CPED1: variants seen among roughly 807,000 people sequenced by gnomAD.
The protein encoded by CPED1 is cadherin-like and PC-esterase domain-containing protein 1.
Under a neutral mutation model 128.2 loss-of-function variants are expected in CPED1, and 114 were observed. The ratio of observed to expected loss-of-function variants is 0.89; its 90% CI spans 0.76 to 1.04. The LOEUF is 1.04. Ranked by LOEUF, CPED1 falls within the 50% of genes least tolerant of loss-of-function variation. CPED1 has a pLI of 0.00. For missense variants in CPED1, 1,211 were observed against 1,207.1 expected (o/e 1.00, Z -0.05); for synonymous variants, 462 against 426.7 (o/e 1.08, Z -1.02).
At chr7:121,069,943 T>C (rs1247993473) in intron 5 of CPED1, among the ~76,000 whole-genome samples, 1 of 152,100 alleles carries the variant, frequency 6.6e-6, no homozygotes, top group Admixed American at 6.6e-5. Context: ...CCAGTAGTTT[T>C]ATCTTAGCTC....
In CPED1 at chr7:121,182,173, G is replaced by A. The variant is rs139811273; in HGVS notation, c.2055+40032G>A. Among the ~76,000 whole-genome samples, 124 of 147,170 alleles carry A rather than the reference G, an allele frequency of 8.4e-4. No homozygotes were observed. The Middle Eastern group carries it at 0.014, about 17-fold the overall frequency. ...TGGTAACATTAGAATATGTCAGCCC[G>A]TGCTAAATACTTCAATTCGATGAGA... On this transcript the variant is annotated intron_variant, in intron 16 of 22. Coordinates refer to ENST00000310396, the MANE Select transcript of CPED1 (RefSeq NM_024913.5).
chr7:121,218,217 A>T (rs1452907893), intron 16 of CPED1, among the ~76,000 whole-genome samples: 4 of 150,004 alleles, frequency 2.7e-5, no homozygotes, highest in Non-Finnish European at 4.4e-5. Context: ...CTGGTCTGAA[A>T]CTCCTGACCT....
At position 121,240,195 on chromosome 7, in the gene CPED1, A is replaced by T. The variant is rs1405454279; in HGVS notation, c.2173+3364A>T. ...TGTGCATGCGATTTCATGTCCACAA[A>T]CTAATTGCACCCACATTTGAATCTC... On this transcript the variant is annotated intron_variant, in intron 17 of 22. Transcript: ENST00000310396. Among the ~76,000 whole-genome samples the T allele has an allele frequency of 2.0e-5, 3 of 152,196 alleles. No individual in the cohort carries two copies. In the East Asian group the frequency reaches 5.8e-4, roughly 29 times the overall value.
At chr7:121,078,853 C>G (rs1408680285) in intron 5 of CPED1, among the ~76,000 whole-genome samples, 3 of 152,216 alleles carry the variant, frequency 2.0e-5, no homozygotes, top group African/African-American at 7.2e-5. Context: ...GTACCACAGA[C>G]TGGGTGGCTT....
intron 22 of CPED1, among the ~76,000 whole-genome samples, chr7:121,290,658 T>C (rs1792680664): frequency 6.6e-6 from 1 of 152,076 alleles, no homozygotes; most frequent in Admixed American, 6.6e-5. Flanking sequence ...GGGGTTGTTT[T>C]GTTCTTGTAA....
chr7:121,143,522 T>C (rs746676443), intron 16 of CPED1, among the ~76,000 whole-genome samples: 1 of 152,024 alleles, frequency 6.6e-6, no homozygotes, highest in Non-Finnish European at 1.5e-5. Context: ...CAATTTGCTT[T>C]ATTTGGATTG....
intron 4 of CPED1, chr7:121,051,647 A>T: frequency 3.1e-6 from 1 of 325,536 alleles, no homozygotes; most frequent in Non-Finnish European, 5.8e-6. Context: ...CCACTCCTTG[A>T]TCCTGGCTTC....
chr7:121,072,722 TCA>T (rs1794025784), intron 5 of CPED1, among the ~76,000 whole-genome samples: 3 of 152,276 alleles, frequency 2.0e-5, no homozygotes, highest in African/African-American at 7.2e-5. Context: ...ACACGGCAGT[TCA>T]CAGACACATT....
chr7:121,111,717 G>A (rs533770822), intron 7 of CPED1, among the ~76,000 whole-genome samples: 16 of 151,542 alleles, frequency 1.1e-4, no homozygotes, highest in Non-Finnish European at 2.1e-4. Flanking sequence ...AAATAAAAAA[G>A]AAAAAACACA....
chr7:121,158,486 C>T (rs1418934981), intron 16 of CPED1, among the ~76,000 whole-genome samples: 2 of 152,142 alleles, frequency 1.3e-5, no homozygotes, highest in African/African-American at 2.4e-5. Context: ...AACCTTGCTT[C>T]CTCTTGGCTC....
chr7:121,142,334 A>G (rs1795924857), intron 16 of CPED1, among the ~76,000 whole-genome samples, 193 bp downstream of exon 16: 1 of 151,964 alleles, frequency 6.6e-6, no homozygotes, highest in Admixed American at 6.6e-5. Context: ...TTTTAGTGTG[A>G]TGGCTACTGT....
intron 18 of CPED1, among the ~76,000 whole-genome samples, chr7:121,259,775 A>G (rs562192330): frequency 1.3e-5 from 2 of 152,168 alleles, no homozygotes; most frequent in South Asian, 2.1e-4. Context: ...AATTTAAGCC[A>G]GTAATAAAAT....
chr7:121,121,231 A>G (rs989178928), intron 7 of CPED1, among the ~76,000 whole-genome samples: 3 of 152,190 alleles, frequency 2.0e-5, no homozygotes, highest in African/African-American at 7.2e-5. Context: ...GTTTTTCTAT[A>G]TACTTTTAAG....
At chr7:121,133,411 T>C (rs1013596670) in intron 12 of CPED1, among the ~76,000 whole-genome samples, 2 of 152,122 alleles carry the variant, frequency 1.3e-5, no homozygotes, top group African/African-American at 4.8e-5. Context: ...CTGCATGGTA[T>C]ACTTATTTCT....
intron 16 of CPED1, among the ~76,000 whole-genome samples, chr7:121,194,659 G>T (rs1156606633): frequency 2.6e-5 from 4 of 152,116 alleles, no homozygotes; most frequent in Non-Finnish European, 5.9e-5. Context: ...TCAAATGTGT[G>T]TATTGGGACT....
chr7:121,251,367 T>A, intron 18 of CPED1, among the ~76,000 whole-genome samples: 1 of 152,158 alleles, frequency 6.6e-6, no homozygotes, highest in East Asian at 1.9e-4. Flanking sequence ...TCATACTGAA[T>A]GGACAAAAAC....
intron 16 of CPED1, among the ~76,000 whole-genome samples, chr7:121,202,006 A>G (rs1379854688): frequency 6.6e-6 from 1 of 152,154 alleles, no homozygotes; most frequent in East Asian, 1.9e-4. Context: ...CCATAATTGT[A>G]GTGAGAGACC....
chr7:121,283,027 G>A (rs1267724963), intron 22 of CPED1, among the ~76,000 whole-genome samples: 2 of 152,052 alleles, frequency 1.3e-5, no homozygotes, highest in Non-Finnish European at 2.9e-5. Flanking sequence ...AGGATTCCAT[G>A]AATTCTTTTT....
chr7:121,216,777 G>A (rs377528989), intron 16 of CPED1, among the ~76,000 whole-genome samples: 1 of 152,136 alleles, frequency 6.6e-6, no homozygotes, highest in East Asian at 2.0e-4. Flanking sequence ...TAACCTCAAA[G>A]ATAACTCTCA....
Sources: gnomAD v4.1 joint callset for allele counts (sites outside exome capture counted in the v4.1 genomes callset) on GRCh38, gnomAD v4.1.1 for gene constraint, MANE v1.5 for transcripts, NCBI Gene and HGNC (gene_info 2026-07-23, HGNC 2026-07-21) for gene names.